Variants in MAP4K3 observed in about 807,000 individuals in gnomAD.
MAP4K3 encodes the protein mitogen-activated protein kinase kinase kinase kinase 3.
A neutral mutation model predicts 143.5 loss-of-function variants in MAP4K3; 94 were observed. The observed-to-expected ratio is 0.65, with a 90% CI of 0.55 to 0.78. The LOEUF (loss-of-function observed/expected upper bound fraction) is 0.78, where lower values mean the gene tolerates loss of function less well. Among genes scored for constraint, MAP4K3 ranks in the 30% least tolerant of loss-of-function variants. The pLI is 0.00. For synonymous variants in MAP4K3, 416 were observed against 347.2 expected (o/e 1.20, Z -2.20); for missense variants, 1,077 against 1,068.1 (o/e 1.01, Z -0.12).
In MAP4K3 at chr2:39,381,612, T is replaced by C. The variant is rs537047130; in HGVS notation, c.97-3489A>G. On this transcript the variant is annotated intron_variant, in intron 1 of 33. Transcript: ENST00000263881. ...TTTTTTCTAAGATTTCTAAGTTTTA[T>C]AGTTTTCTTAAATTTACGTCTATAA... 5.3e-5 allele frequency among the ~76,000 whole-genome samples: 8 copies of C among 152,330 alleles called. 1 individual carries two copies. The South Asian group carries it at 1.2e-3, about 24-fold the overall frequency.
At chr2:39,400,770 A>C (rs75739548) in intron 1 of MAP4K3, among the ~76,000 whole-genome samples, 4 of 152,126 alleles carry the variant, frequency 2.6e-5, no homozygotes, top group Non-Finnish European at 4.4e-5. Context: ...CTCTTTAACT[A>C]ATGAGTAATA....
chr2:39,392,665 A>G (rs1666698715), intron 1 of MAP4K3, among the ~76,000 whole-genome samples: 1 of 152,206 alleles, frequency 6.6e-6, no homozygotes, highest in Non-Finnish European at 1.5e-5. Context: ...TGAATCCCCA[A>G]TGTAATAGTA....
At chr2:39,288,869 G>A (rs1681910430) in intron 19 of MAP4K3, among the ~76,000 whole-genome samples, 1 of 152,158 alleles carries the variant, frequency 6.6e-6, no homozygotes, top group South Asian at 2.1e-4. Flanking sequence ...TGGCTATCAT[G>A]GTGAAACCCC....
chr2:39,383,601 C>T (rs1281238773), intron 1 of MAP4K3, among the ~76,000 whole-genome samples: 5 of 151,894 alleles, frequency 3.3e-5, no homozygotes, highest in African/African-American at 9.7e-5. Context: ...CCTGGTTATG[C>T]CTATTGTACC....
At chr2:39,424,427 G>A (rs1374783749) in intron 1 of MAP4K3, among the ~76,000 whole-genome samples, 2 of 152,164 alleles carry the variant, frequency 1.3e-5, no homozygotes, top group Non-Finnish European at 2.9e-5. Flanking sequence ...CTGAGTACAG[G>A]TGAACAGTCG....
At chr2:39,382,327 T>C (rs1352501453) in intron 1 of MAP4K3, among the ~76,000 whole-genome samples, 1 of 152,234 alleles carries the variant, frequency 6.6e-6, no homozygotes, top group Non-Finnish European at 1.5e-5. Flanking sequence ...CATCATCTAC[T>C]ATGTATTGAG....
chr2:39,352,599 T>C (rs1381128904), intron 3 of MAP4K3, among the ~76,000 whole-genome samples: 1 of 152,248 alleles, frequency 6.6e-6, no homozygotes, highest in African/African-American at 2.4e-5. Flanking sequence ...TAAATGTTAA[T>C]GCTTTGTCTA....
At chr2:39,321,947 A>G (rs1045949084) in intron 12 of MAP4K3, among the ~76,000 whole-genome samples, 40 of 152,194 alleles carry the variant, frequency 2.6e-4, no homozygotes, top group Non-Finnish European at 4.1e-4. Flanking sequence ...AACACCCACA[A>G]ATGATCAATA....
chr2:39,320,790 T>C (rs902290394), intron 12 of MAP4K3, among the ~76,000 whole-genome samples: 3 of 152,186 alleles, frequency 2.0e-5, no homozygotes, highest in Non-Finnish European at 2.9e-5. Flanking sequence ...ACCCAATAGC[T>C]TCCTCTGTGG....
chr2:39,310,602 A>AT (rs2148500364), intron 13 of MAP4K3, among the ~76,000 whole-genome samples: 1 of 152,310 alleles, frequency 6.6e-6, no homozygotes, highest in African/African-American at 2.4e-5. Context: ...TTTTGGATGC[A>AT]TAATCCAGTA....
chr2:39,275,600 A>G (rs534968791), intron 24 of MAP4K3, among the ~76,000 whole-genome samples: 2 of 152,276 alleles, frequency 1.3e-5, no homozygotes, highest in Admixed American at 1.3e-4. Context: ...TTATTTTTGG[A>G]TATCTCATTA....
At chr2:39,353,075 T>C (rs368938762) in intron 3 of MAP4K3, among the ~76,000 whole-genome samples, 2 of 152,158 alleles carry the variant, frequency 1.3e-5, no homozygotes, top group East Asian at 1.9e-4. Context: ...CAATACAGTA[T>C]GCCAAAAAAG....
At chr2:39,251,265 G>A (rs1680147040) in intron 33 of MAP4K3, among the ~76,000 whole-genome samples, 1 of 152,182 alleles carries the variant, frequency 6.6e-6, no homozygotes. Context: ...CCAGGAAAGA[G>A]CAGTCCTGCC....
At chr2:39,409,302 A>C (rs933394945) in intron 1 of MAP4K3, among the ~76,000 whole-genome samples, 1 of 152,254 alleles carries the variant, frequency 6.6e-6, no homozygotes, top group African/African-American at 2.4e-5. Context: ...TCTGGTCAAC[A>C]GTAGACTATT....
At chr2:39,265,454 G>T (rs1680728114) in intron 27 of MAP4K3, 148 bp from the exon 28 acceptor site, 2 of 676,016 alleles carry the variant, frequency 3.0e-6, no homozygotes, top group African/African-American at 3.6e-5. Flanking sequence ...TTAATTAGAG[G>T]GCTGGGTGAA....
chr2:39,314,266 G>A (rs374124882), intron 13 of MAP4K3, among the ~76,000 whole-genome samples: 5 of 152,110 alleles, frequency 3.3e-5, no homozygotes, highest in African/African-American at 1.2e-4. Flanking sequence ...CTGGCCTCAA[G>A]TGATCCGCCC....
chr2:39,323,043 T>C (rs923289540), intron 12 of MAP4K3, among the ~76,000 whole-genome samples: 6 of 152,200 alleles, frequency 3.9e-5, no homozygotes, highest in African/African-American at 1.4e-4. Context: ...CATTCGTATT[T>C]TGAGTGACAA....
At chr2:39,273,884 A>C (rs982534460) in intron 24 of MAP4K3, among the ~76,000 whole-genome samples, 1 of 152,212 alleles carries the variant, frequency 6.6e-6, no homozygotes, top group African/African-American at 2.4e-5. Context: ...GCTATACTGA[A>C]AAAATCAGGT....
At chr2:39,276,633 T>TGAGAGATTTCATGAA (rs1434519578) in intron 24 of MAP4K3, among the ~76,000 whole-genome samples, 1 of 152,212 alleles carries the variant, frequency 6.6e-6, no homozygotes, top group East Asian at 1.9e-4. Context: ...TGTCTACCTG[T>TGAGAGATTTCATGAA]GAGAGATTTC....
Sources: allele counts gnomAD v4.1 joint callset (sites outside exome capture counted in the v4.1 genomes callset), GRCh38; gene constraint gnomAD v4.1.1; transcripts MANE v1.5; gene names NCBI Gene and HGNC (gene_info 2026-07-23, HGNC 2026-07-21).